The following SPATA31C1 variants were observed in gnomAD, a reference collection of about 807,000 sequenced individuals.
SPATA31C1 encodes the protein spermatogenesis-associated protein 31C1.
chr9:87,920,698 A>C, exon 5 of SPATA31C1: 1 of 1,613,930 alleles, frequency 6.2e-7, no homozygotes, highest in Non-Finnish European at 8.5e-7. Context: ...ACCGTCCCTC[A>C]AAGCTTGTCT....
rs1449498136 is a variant in SPATA31C1, at chr9:87,915,449, G to A, written n.189+739G>A. 5.5e-5 allele frequency among the ~76,000 whole-genome samples: 8 copies of A among 144,668 alleles called. 1 individual carries two copies. Among genetic ancestry groups the A allele is most frequent in the Non-Finnish European group, 1.2e-4 (8 of 65,272 alleles). 94.9% of individuals were successfully genotyped at this position (144,668 alleles called of 152,430 possible). A position where few individuals can be genotyped will look rare whatever the true frequency, so the allele number is the denominator to read the frequency against. Reference sequence around the variant, plus strand: ...TACTGAGTAGCTGGGGATTACAGGCGCCCGCCACCACGCCTGGCTAATTTT... The same window carrying A: ...TACTGAGTAGCTGGGGATTACAGGCACCCGCCACCACGCCTGGCTAATTTT... On this transcript the variant is annotated intron_variant and non_coding_transcript_variant, in intron 1 of 4. Coordinates refer to ENST00000420021, the Ensembl canonical transcript of SPATA31C1.
intron 2 of SPATA31C1, chr9:87,918,979 A>C (rs564819719): frequency 1.3e-4 from 53 of 404,744 alleles, no homozygotes; most frequent in African/African-American, 1.1e-3. Flanking sequence ...CACCATGGCC[A>C]GGCTGGTCTC....
At chr9:87,920,912 G>T (rs748323600) in exon 5 of SPATA31C1, 1 of 1,613,228 alleles carries the variant, frequency 6.2e-7, no homozygotes, top group Non-Finnish European at 8.5e-7. Flanking sequence ...TGTCCCATCT[G>T]GGGCCTGAGT....
chr9:87,923,274 G>C (rs1313957702), exon 5 of SPATA31C1: 1 of 1,603,560 alleles, frequency 6.2e-7, no homozygotes, highest in African/African-American at 1.3e-5. Context: ...CAGTCAACAA[G>C]CCACTCTCAA....
rs1283242781 is a variant in SPATA31C1 at position 87,915,638 on chromosome 9, G to A, written n.189+928G>A. Among the ~76,000 whole-genome samples, 6 of 144,324 alleles carry A rather than the reference G, an allele frequency of 4.2e-5. 1 individual carries two copies. The highest frequency in any genetic ancestry group is 1.5e-4 in the African/African-American group (6 of 39,652). 94.7% of individuals were successfully genotyped at this position (144,324 alleles called of 152,430 possible). On this transcript the variant is annotated intron_variant and non_coding_transcript_variant, in intron 1 of 4. Transcript: ENST00000420021. ...TTTAATAAAGACATGAGGTTAGATT[G>A]AGGTTATTGTTTTGTCTATGGTATC...
chr9:87,922,136 A>T (rs771815605), exon 5 of SPATA31C1: 1 of 1,613,598 alleles, frequency 6.2e-7, no homozygotes, highest in Non-Finnish European at 8.5e-7. Context: ...CCTCACCTGC[A>T]TGTAAGCAGT....
rs1183184328 is a variant in SPATA31C1 at position 87,915,435 on chromosome 9, T to C, written n.189+725T>C. ...CTCCTGTCTTAGCGTACTGAGTAGC[T>C]GGGGATTACAGGCGCCCGCCACCAC... On this transcript the variant is annotated intron_variant and non_coding_transcript_variant, in intron 1 of 4. Coordinates refer to ENST00000420021, the Ensembl canonical transcript of SPATA31C1. 1.4e-5 allele frequency among the ~76,000 whole-genome samples: 2 copies of C among 144,704 alleles called. 1 individual carries two copies. The highest frequency in any genetic ancestry group is 5.1e-5 in the African/African-American group (2 of 39,500). The allele number at this position is 144,704 out of a possible 152,430, so 94.9% of individuals were successfully genotyped here. A position where few individuals can be genotyped will look rare whatever the true frequency, so the allele number is the denominator to read the frequency against.
chr9:87,921,510 T>A (rs765870849), exon 5 of SPATA31C1: 3 of 1,611,636 alleles, frequency 1.9e-6, no homozygotes, highest in Non-Finnish European at 2.5e-6. Flanking sequence ...ACAAAATCTA[T>A]CCAGGGGCAT....
chr9:87,921,453 G>A, exon 5 of SPATA31C1: 1 of 1,611,852 alleles, frequency 6.2e-7, no homozygotes, highest in Non-Finnish European at 8.5e-7. Context: ...GTTCCAGCTA[G>A]AGAGGGACCC....
At chr9:87,921,112 A>G (rs1277912485) in exon 5 of SPATA31C1, 10 of 1,611,630 alleles carry the variant, frequency 6.2e-6, no homozygotes, top group Non-Finnish European at 6.8e-6. Context: ...GAAACTCAGC[A>G]CCCTGAAAGG....
chr9:87,923,145 C>T, exon 5 of SPATA31C1: 1 of 1,603,400 alleles, frequency 6.2e-7, no homozygotes, highest in Non-Finnish European at 8.5e-7. Context: ...CCATGCGCGC[C>T]ATGCCTCGAA....
At chr9:87,921,682 A>G in exon 5 of SPATA31C1, 1 of 1,612,046 alleles carries the variant, frequency 6.2e-7, no homozygotes, top group Non-Finnish European at 8.5e-7. Flanking sequence ...AAGTTGGGCC[A>G]GACCAACGAG....
chr9:87,919,202 G>A (rs765275335), intron 2 of SPATA31C1, 53 bp from the exon 2 acceptor site: 5 of 1,595,864 alleles, frequency 3.1e-6, no homozygotes, highest in Non-Finnish European at 4.3e-6. Context: ...TGCTGCGGCT[G>A]GGGGCAGAGA....
chr9:87,920,822 C>T, exon 5 of SPATA31C1: 1 of 1,613,874 alleles, frequency 6.2e-7, no homozygotes, highest in Non-Finnish European at 8.5e-7. Flanking sequence ...GGTGCATCTT[C>T]AACTCGTCAG....
chr9:87,922,506 C>A (rs777050288), exon 5 of SPATA31C1: 5 of 1,610,576 alleles, frequency 3.1e-6, no homozygotes, highest in African/African-American at 1.3e-5. Flanking sequence ...TGAATTTGAG[C>A]CTGGAATGGC....
exon 5 of SPATA31C1, chr9:87,923,144 C>A (rs1828924672): frequency 1.2e-6 from 2 of 1,603,350 alleles, no homozygotes; most frequent in South Asian, 2.2e-5. Context: ...GCCATGCGCG[C>A]CATGCCTCGA....
rs1187210754 is a variant in SPATA31C1, at chr9:87,922,886, C to T, written n.3276C>T. 5 of 1,605,662 alleles carry T rather than the reference C, an allele frequency of 3.1e-6. No individual in the cohort carries two copies. The Admixed American group carries it at 8.4e-5, about 27-fold the overall frequency. ...TTACCCCAGGCAGAAAAACAGAAGA[C>T]ACCCGTCAGAATGAAGGCGTCCAGC... On this transcript the variant is annotated non_coding_transcript_exon_variant, in exon 5 of 5. Transcript: ENST00000420021.
At chr9:87,919,212 A>G (rs560037071) in intron 2 of SPATA31C1, 43 bp from the exon 2 acceptor site, 8 of 1,500,180 alleles carry the variant, frequency 5.3e-6, no homozygotes, top group Non-Finnish European at 7.2e-6. Flanking sequence ...GGGGGCAGAG[A>G]GGGAGAGCCG....
exon 5 of SPATA31C1, chr9:87,921,172 T>G (rs774764078): frequency 6.2e-7 from 1 of 1,611,792 alleles, no homozygotes; most frequent in Admixed American, 1.7e-5. Context: ...CCCTCTAGGG[T>G]CCAAAAATCT....
Sources: gnomAD v4.1 joint callset for allele counts (sites outside exome capture counted in the v4.1 genomes callset) on GRCh38, gnomAD v4.1.1 for gene constraint, MANE v1.5 for transcripts, NCBI Gene and HGNC (gene_info 2026-07-23, HGNC 2026-07-21) for gene names.